Variants in LTBP1 observed in about 807,000 individuals in gnomAD.
LTBP1 encodes the protein latent-transforming growth factor beta-binding protein 1.
A neutral mutation model predicts 207.6 loss-of-function variants in LTBP1; 129 were observed. That is an observed-to-expected ratio of 0.62 (90% CI 0.54 to 0.72). The LOEUF (loss-of-function observed/expected upper bound fraction) is 0.72. Among genes scored for constraint, LTBP1 ranks in the 30% least tolerant of loss-of-function variants. The pLI is 0.00. For missense variants in LTBP1, 2,281 were observed against 2,217.2 expected, an observed-to-expected ratio of 1.03 and a Z score of -0.58; for synonymous variants, 963 against 833.7, an observed-to-expected ratio of 1.16 and a Z score of -2.67.
Position 33,259,567 on chromosome 2 carries a change from CT to C in LTBP1, c.2396-16del. ...AATTGTCTTAAATGGTACTAATACC[CT>C]TTTTCTTTTCTGGTTTTAGTGGCAA... On this transcript the variant is annotated intron_variant, in intron 12 of 33. Transcript: ENST00000404816. 3 of 1,586,908 alleles carry C rather than the reference CT, an allele frequency of 1.9e-6. No homozygotes were observed. Among genetic ancestry groups the C allele is most frequent in the Non-Finnish European group, 1.7e-6 (2 of 1,163,932 alleles).
At chr2:33,182,295 T>C (rs1462583511) in intron 5 of LTBP1, among the ~76,000 whole-genome samples, 2 of 152,094 alleles carry the variant, frequency 1.3e-5, no homozygotes, top group Non-Finnish European at 2.9e-5. Context: ...AAGTTCATGA[T>C]AGAGTTCAAA....
chr2:33,062,243 A>G (rs1221183973), intron 3 of LTBP1, among the ~76,000 whole-genome samples: 5 of 141,834 alleles, frequency 3.5e-5, no homozygotes, highest in African/African-American at 2.5e-5. Flanking sequence ...ACACACACAC[A>G]GCATTTTTTT....
At chr2:33,076,455 T>A (rs1375711291) in intron 3 of LTBP1, among the ~76,000 whole-genome samples, 1 of 152,182 alleles carries the variant, frequency 6.6e-6, no homozygotes, top group Non-Finnish European at 1.5e-5. Flanking sequence ...TTGGAAATGC[T>A]GGTTTCTGTT....
At chr2:33,308,940 C>T (rs1302542701) in intron 22 of LTBP1, among the ~76,000 whole-genome samples, 1 of 152,054 alleles carries the variant, frequency 6.6e-6, no homozygotes, top group African/African-American at 2.4e-5. Context: ...TTATTTGCTA[C>T]AGAATTTTGA....
chr2:33,163,030 A>G lies in LTBP1; in HGVS notation c.1202-23826A>G, dbSNP rs548437139. Reference sequence around the variant, plus strand: ...AAGGCCTCACTCCATCACCCAGGCTACAGTGCAGTGGCCTGATCTCGGCTC... The same window carrying G: ...AAGGCCTCACTCCATCACCCAGGCTGCAGTGCAGTGGCCTGATCTCGGCTC... On this transcript the variant is annotated intron_variant, in intron 5 of 33. Coordinates refer to ENST00000404816, the MANE Select transcript of LTBP1 (RefSeq NM_206943.4). Among the ~76,000 whole-genome samples the G allele has an allele frequency of 5.3e-5, 8 of 152,322 alleles. No individual in the cohort carries two copies. The South Asian group carries it at 6.2e-4, about 12-fold the overall frequency.
At chr2:33,078,143 CA>C (rs1193073706) in intron 3 of LTBP1, among the ~76,000 whole-genome samples, 2 of 152,162 alleles carry the variant, frequency 1.3e-5, no homozygotes, top group Non-Finnish European at 2.9e-5. Flanking sequence ...TGAGACCCTT[CA>C]TTAATCATGA....
At chr2:33,077,913 T>C (rs2078172646) in intron 3 of LTBP1, among the ~76,000 whole-genome samples, 1 of 152,162 alleles carries the variant, frequency 6.6e-6, no homozygotes, top group Non-Finnish European at 1.5e-5. Flanking sequence ...GTCGGCAGCT[T>C]GGGTATCAGT....
intron 7 of LTBP1, among the ~76,000 whole-genome samples, chr2:33,216,925 A>C (rs1376615813): frequency 6.6e-6 from 1 of 152,174 alleles, no homozygotes; most frequent in Non-Finnish European, 1.5e-5. Flanking sequence ...CTGCCTGCTC[A>C]AGCTGGTCTC....
intron 7 of LTBP1, among the ~76,000 whole-genome samples, chr2:33,217,213 A>G (rs1423895952): frequency 1.3e-5 from 2 of 152,204 alleles, no homozygotes; most frequent in African/African-American, 4.8e-5. Flanking sequence ...ATACAACTAA[A>G]ATCTAAAAAG....
rs577946304 is a variant in LTBP1, at chr2:33,256,929, G to A, written c.2168-355G>A. Among the ~76,000 whole-genome samples, 45 of 149,972 alleles carry A rather than the reference G, an allele frequency of 3.0e-4. 1 individual carries two copies. The South Asian group carries it at 9.5e-3, about 32-fold the overall frequency. ...ATTGCAGATTTTGATATCCACAGGG[G>A]TTATCCTAGAACTAATCCCTCATGG... is the stretch of plus-strand genomic sequence containing the variant. On this transcript the variant is annotated intron_variant, in intron 11 of 33. Coordinates refer to ENST00000404816, the MANE Select transcript of LTBP1 (RefSeq NM_206943.4).
At chr2:32,978,809 T>A (rs1470380392) in intron 2 of LTBP1, among the ~76,000 whole-genome samples, 2 of 152,182 alleles carry the variant, frequency 1.3e-5, no homozygotes, top group South Asian at 2.1e-4. Flanking sequence ...AAATGTTTGG[T>A]AAAATTCAGC....
At chr2:33,256,929 G>T (rs577946304) in intron 11 of LTBP1, among the ~76,000 whole-genome samples, 3 of 149,936 alleles carry the variant, frequency 2.0e-5, no homozygotes, top group African/African-American at 4.9e-5. Context: ...ATCCACAGGG[G>T]TTATCCTAGA....
chr2:33,398,740 C>A lies in LTBP1; in HGVS notation c.*195C>A. ...GGTGTGGCAGACCAAATGGACATTT[C>A]TCTAAAAAACCAGTATATATAGTCT... On this transcript the variant is annotated 3_prime_UTR_variant, in exon 34 of 34. Transcript: ENST00000404816. 1 of 476,852 alleles carries A rather than the reference C, an allele frequency of 2.1e-6. No homozygotes were observed. Among genetic ancestry groups the A allele is most frequent in the African/African-American group, 2.0e-5 (1 of 50,402 alleles). The allele number at this position is 476,852 out of a possible 1,614,324, so 29.5% of individuals were successfully genotyped here.
intron 3 of LTBP1, among the ~76,000 whole-genome samples, chr2:33,108,297 G>A (rs928469689): frequency 2.0e-5 from 3 of 151,936 alleles, no homozygotes; most frequent in African/African-American, 7.3e-5. Context: ...AGCGGGAGAA[G>A]GTAAGGGAGT....
At chr2:32,980,572 T>C (rs577013331) in intron 2 of LTBP1, among the ~76,000 whole-genome samples, 5 of 152,346 alleles carry the variant, frequency 3.3e-5, no homozygotes, top group Non-Finnish European at 7.4e-5. Context: ...GTTGTAGTTA[T>C]TATTTTTGAC....
intron 31 of LTBP1, among the ~76,000 whole-genome samples, chr2:33,383,593 C>T (rs113279661): frequency 6.6e-6 from 1 of 152,086 alleles, no homozygotes; most frequent in African/African-American, 2.4e-5. Context: ...GATAGGGTCT[C>T]ACTCTGCTCA....
chr2:33,281,942 A>G (rs1053647729), intron 19 of LTBP1, among the ~76,000 whole-genome samples: 1 of 152,010 alleles, frequency 6.6e-6, no homozygotes, highest in African/African-American at 2.4e-5. Flanking sequence ...TACAATTCAT[A>G]ATAGTAGTGT....
chr2:33,115,761 C>T (rs1405069282), intron 4 of LTBP1, among the ~76,000 whole-genome samples: 1 of 152,040 alleles, frequency 6.6e-6, no homozygotes, highest in Admixed American at 6.6e-5. Flanking sequence ...ATGGAAATGA[C>T]ATAACATTTG....
At chr2:33,002,266 C>G (rs1196033546) in intron 2 of LTBP1, among the ~76,000 whole-genome samples, 3 of 152,210 alleles carry the variant, frequency 2.0e-5, no homozygotes, top group African/African-American at 7.2e-5. Context: ...ATTAACTACC[C>G]TTGAACAAAT....
Sources: allele counts gnomAD v4.1 joint callset (sites outside exome capture counted in the v4.1 genomes callset), GRCh38; gene constraint gnomAD v4.1.1; transcripts MANE v1.5; gene names NCBI Gene and HGNC (gene_info 2026-07-23, HGNC 2026-07-21).